Variants in VPS53 observed in about 807,000 individuals in gnomAD.
The protein encoded by VPS53 is vacuolar protein sorting-associated protein 53 homolog.
A neutral mutation model predicts 107.0 loss-of-function variants in VPS53; 70 were observed. The ratio of observed to expected loss-of-function variants is 0.65; its 90% CI spans 0.54 to 0.80. The LOEUF (loss-of-function observed/expected upper bound fraction) is 0.80. Ranked by LOEUF, VPS53 falls within the 30% of genes least tolerant of loss-of-function variation. The probability of loss-of-function intolerance (pLI) is 0.00; values close to 1 mark genes in which losing one functional copy is unlikely to be tolerated. For synonymous variants in VPS53, 409 were observed against 393.3 expected, an observed-to-expected ratio of 1.04 and a Z score of -0.47; for missense variants, 917 against 1,049.4, an observed-to-expected ratio of 0.87 and a Z score of 1.74.
chr17:531,641 G>A (rs1909558098), intron 19 of VPS53, among the ~76,000 whole-genome samples: 1 of 152,014 alleles, frequency 6.6e-6, no homozygotes, highest in Non-Finnish European at 1.5e-5. Context: ...TGGGACTACA[G>A]GTGTGGACCG....
At chr17:647,738 C>T (rs1030977390) in intron 7 of VPS53, among the ~76,000 whole-genome samples, 1 of 152,152 alleles carries the variant, frequency 6.6e-6, no homozygotes, top group Non-Finnish European at 1.5e-5. Context: ...AAGATGCACA[C>T]TGAGCACACG....
chr17:595,126 A>G, intron 12 of VPS53, among the ~76,000 whole-genome samples: 2 of 87,268 alleles, frequency 2.3e-5, no homozygotes, highest in African/African-American at 9.3e-5. Context: ...GGAAGCTGGG[A>G]GATGGGAAGG....
At chr17:553,571 A>T in intron 15 of VPS53, 109 bp from the exon 16 acceptor site, 1 of 828,256 alleles carries the variant, frequency 1.2e-6, no homozygotes, top group Non-Finnish European at 1.8e-6. Flanking sequence ...ATAATTCCAT[A>T]CACTTTTTTT....
intron 17 of VPS53, among the ~76,000 whole-genome samples, chr17:547,836 A>G (rs1401849086): frequency 6.6e-6 from 1 of 152,036 alleles, no homozygotes; most frequent in Admixed American, 6.6e-5. Context: ...ACAGGGTCCC[A>G]CCATGCTGGC....
chr17:515,254 G>A lies in VPS53; in HGVS notation c.*3874C>T, dbSNP rs997456479. The A allele has an allele frequency of 6.6e-6, 1 of 152,002 alleles. No individual in the cohort carries two copies. Among genetic ancestry groups the A allele is most frequent in the African/African-American group, 2.4e-5 (1 of 41,362 alleles). 9.4% of individuals were successfully genotyped at this position (152,002 alleles called of 1,614,324 possible). ...ACTCCTTTTACCTTATTATTTTTTA[G>A]AGAGTCTTGCTCCGTCACCCAGGCA... On this transcript the variant is annotated 3_prime_UTR_variant, in exon 22 of 22. Coordinates refer to ENST00000437048, the MANE Select transcript of VPS53 (RefSeq NM_001128159.3).
Position 562,676 on chromosome 17 carries a change from A to T in VPS53, c.1383T>A (p.Thr461=). 1.2e-6 allele frequency: 2 copies of T among 1,613,732 alleles called. No homozygotes were observed. The highest frequency in any genetic ancestry group is 1.7e-6 in the Non-Finnish European group (2 of 1,179,926). Residue 461 remains threonine (T), a synonymous_variant, in exon 14 of 22, where the codon ACT becomes ACA. Transcript: ENST00000437048. ...FKAQGPPKPN[T]DEGGAVLPSC... is the part of the protein sequence containing the mutation. ...TGGGGAGCACGGCACCCCCTTCATCAGTGTTGGGCTTAGGTGGCCCCTGGG... is the reference window on the plus strand; with the variant it reads ...TGGGGAGCACGGCACCCCCTTCATCTGTGTTGGGCTTAGGTGGCCCCTGGG...
Position 628,114 on chromosome 17 carries a change from G to T in VPS53, c.805C>A (p.Leu269Met). The T allele has an allele frequency of 6.2e-7, 1 of 1,613,176 alleles. No individual in the cohort carries two copies. Among genetic ancestry groups the T allele is most frequent in the African/African-American group, 1.3e-5 (1 of 75,006 alleles). Residue 269 changes from leucine (L) to methionine (M), a missense_variant, in exon 9 of 22, where the codon CTG becomes ATG. Physicochemically the swap from Leu to Met is conservative, Grantham distance 15. Coordinates refer to ENST00000437048, the MANE Select transcript of VPS53 (RefSeq NM_001128159.3). ...TCTTGGTTTTCTTGAAAAAGTACCA[G>T]ATACTCTGACAGATGCTGTTTAATA... ...KFIKQHLSEY[L>M]VLFQENQDVA...
intron 2 of VPS53, among the ~76,000 whole-genome samples, chr17:700,470 G>A (rs1973156241): frequency 6.6e-6 from 1 of 152,188 alleles, no homozygotes; most frequent in East Asian, 1.9e-4. Context: ...AGAATCGCTT[G>A]AACCCGGGAG....
chr17:547,849 C>G lies in VPS53; in HGVS notation c.1866+4023G>C, dbSNP rs114603479. Among the ~76,000 whole-genome samples, 1,260 of 152,124 alleles carry G rather than the reference C, an allele frequency of 8.3e-3. 25 individuals are homozygous for G. The highest frequency in any genetic ancestry group is 0.028 in the African/African-American group (1,141 of 41,472). On this transcript the variant is annotated intron_variant, in intron 17 of 21. Coordinates refer to ENST00000437048, the MANE Select transcript of VPS53 (RefSeq NM_001128159.3). Reference sequence around the variant, plus strand: ...AGACAGGGTCCCACCATGCTGGCCTCGAACTCCTAACCTCAGATGATTTGC... The same window carrying G: ...AGACAGGGTCCCACCATGCTGGCCTGGAACTCCTAACCTCAGATGATTTGC...
intron 11 of VPS53, among the ~76,000 whole-genome samples, chr17:607,788 C>A (rs1968654054): frequency 6.6e-6 from 1 of 152,160 alleles, no homozygotes; most frequent in Non-Finnish European, 1.5e-5. Context: ...GCAAGTTAAT[C>A]CCTACTGATT....
At chr17:523,361 A>T (rs1908891351) in intron 19 of VPS53, 1 of 152,312 alleles carries the variant, frequency 6.6e-6, no homozygotes, top group Non-Finnish European at 1.5e-5. Context: ...CCAAACTTAT[A>T]TTCAGGGCAA....
At chr17:541,232 C>G (rs1381707015) in intron 17 of VPS53, among the ~76,000 whole-genome samples, 2 of 152,200 alleles carry the variant, frequency 1.3e-5, no homozygotes, top group Non-Finnish European at 2.9e-5. Flanking sequence ...ACTCCCGCAG[C>G]ATCTGCTATA....
Position 515,804 on chromosome 17 carries a change from C to CT in VPS53, c.*3323dup, listed in dbSNP as rs34920740. On this transcript the variant is annotated 3_prime_UTR_variant, in exon 22 of 22. Transcript: ENST00000437048. Reference sequence around the variant, plus strand: ...CATGGTCCCCACCACCACCAAAAGTCTTTTTTTTTTAACTGAGTCTCACTC... The same window carrying CT: ...CATGGTCCCCACCACCACCAAAAGTCTTTTTTTTTTTAACTGAGTCTCACTC... 17,147 of 147,974 alleles carry CT rather than the reference C, an allele frequency of 0.12. 1,096 individuals are homozygous for CT. Among genetic ancestry groups the CT allele is most frequent in the South Asian group, 0.25 (1,150 of 4,690 alleles). The allele number at this position is 147,974 out of a possible 1,614,324, so 9.2% of individuals were successfully genotyped here. A position where few individuals can be genotyped will look rare whatever the true frequency, so the allele number is the denominator to read the frequency against.
intron 17 of VPS53, among the ~76,000 whole-genome samples, chr17:541,018 T>C (rs1358515644): frequency 2.0e-5 from 3 of 152,212 alleles, no homozygotes; most frequent in Admixed American, 1.3e-4. Context: ...AAGAGGTTTC[T>C]TGAAAATGTG....
intron 12 of VPS53, among the ~76,000 whole-genome samples, chr17:593,795 A>C (rs553511039): frequency 3.9e-5 from 6 of 152,170 alleles, no homozygotes; most frequent in African/African-American, 1.4e-4. Context: ...TTGACCCAGC[A>C]ATCCCATTAC....
chr17:683,351 A>G (rs1216038928), intron 4 of VPS53, among the ~76,000 whole-genome samples: 1 of 152,144 alleles, frequency 6.6e-6, no homozygotes, highest in Non-Finnish European at 1.5e-5. Flanking sequence ...GAAGACAAAG[A>G]CTGACATTTT....
chr17:655,122 G>C (rs1160731607), intron 6 of VPS53, among the ~76,000 whole-genome samples: 1 of 152,186 alleles, frequency 6.6e-6, no homozygotes, highest in African/African-American at 2.4e-5. Context: ...TCCACATACG[G>C]AATCACACTG....
chr17:659,817 C>G (rs764375871), intron 5 of VPS53, among the ~76,000 whole-genome samples: 4 of 152,124 alleles, frequency 2.6e-5, no homozygotes, highest in Non-Finnish European at 5.9e-5. Context: ...ACTCCTTGTT[C>G]AGGCCCTCAC....
intron 7 of VPS53, among the ~76,000 whole-genome samples, chr17:645,955 G>A (rs995626098): frequency 1.8e-4 from 23 of 125,260 alleles, no homozygotes; most frequent in South Asian, 8.6e-4. Flanking sequence ...ACACATCTCC[G>A]TGACCGTGTG....
Sources: gnomAD v4.1 joint callset for allele counts (sites outside exome capture counted in the v4.1 genomes callset) on GRCh38, gnomAD v4.1.1 for gene constraint, MANE v1.5 for transcripts, NCBI Gene and HGNC (gene_info 2026-07-23, HGNC 2026-07-21) for gene names.